RBM48: variants seen among roughly 807,000 people sequenced by gnomAD.
RBM48 encodes RNA-binding protein 48.
A neutral mutation model predicts 34.8 loss-of-function variants in RBM48; 32 were observed. That is an observed-to-expected ratio of 0.92 (90% CI 0.69 to 1.23). The LOEUF is 1.23. Ranked by LOEUF, RBM48 falls within the 50% of genes most tolerant of loss-of-function variation. RBM48 has a pLI of 0.00. For synonymous variants in RBM48, 151 were observed against 156.2 expected, an observed-to-expected ratio of 0.97 and a Z score of 0.25; for missense variants, 441 against 447.2, an observed-to-expected ratio of 0.99 and a Z score of 0.12.
chr7:92,529,670 A>G lies in RBM48; in HGVS notation c.302+4A>G, dbSNP rs1269297109. On this transcript the variant is annotated splice_donor_region_variant and intron_variant, in intron 2 of 4. Coordinates refer to ENST00000265732, the MANE Select transcript of RBM48 (RefSeq NM_032120.4). Reference sequence around the variant, plus strand: ...TTATGAACTTACAAAGTGCAAGGTAATGTGCAAGTTAAGAAATGACTCATT... The same window carrying G: ...TTATGAACTTACAAAGTGCAAGGTAGTGTGCAAGTTAAGAAATGACTCATT... 1 of 1,512,022 alleles carries G rather than the reference A, an allele frequency of 6.6e-7. No individual in the cohort carries two copies. The highest frequency in any genetic ancestry group is 2.3e-5 in the East Asian group (1 of 42,838). The allele number at this position is 1,512,022 out of a possible 1,614,324, so 93.7% of individuals were successfully genotyped here. A position where few individuals can be genotyped will look rare whatever the true frequency, so the allele number is the denominator to read the frequency against.
Position 92,536,914 on chromosome 7 carries a change from T to C in RBM48, c.1081T>C (p.Leu361=), listed in dbSNP as rs768294572. The C allele has an allele frequency of 4.4e-6, 7 of 1,608,852 alleles. No homozygotes were observed. Among genetic ancestry groups the C allele is most frequent in the East Asian group, 2.2e-5 (1 of 44,696 alleles). ...KPEDVHTSHP[L]KQRRRI ...AGAAGATGTACATACAAGTCATCCA[T>C]TAAAACAAAGAAGAAGAATATAGAG... The change falls in exon 5 of 5, where the codon TTA becomes CTA. Residue 361 remains leucine, a synonymous_variant. Coordinates refer to ENST00000265732, the MANE Select transcript of RBM48 (RefSeq NM_032120.4).
At chr7:92,536,697 A>G (rs1793720459) in intron 4 of RBM48, 154 bp from the exon 5 acceptor site, 3 of 1,292,168 alleles carry the variant, frequency 2.3e-6, no homozygotes, top group Non-Finnish European at 2.0e-6. Context: ...CTCTGTGCCT[A>G]GGTCATAGGC....
In RBM48 at chr7:92,528,904, C is replaced by T; in HGVS notation, c.91C>T (p.Arg31Ter). 15 of 1,613,760 alleles carry T rather than the reference C, an allele frequency of 9.3e-6. No individual in the cohort carries two copies. Among genetic ancestry groups the T allele is most frequent in the Non-Finnish European group, 1.3e-5 (15 of 1,179,744 alleles). ...CACACGGGCCAAATATCGAGAGGGA[C>T]GACGGCCTCGTGCTGTGAAGGTAAA... Reference protein sequence around the residue: ...CDTRAKYREGRRPRAVKVYTI... With the variant: ...CDTRAKYREG Residue 31 changes from arginine (R) to a stop codon, truncating the protein, a stop_gained, in exon 1 of 5, where the codon CGA (arginine) becomes TGA (stop). Transcript: ENST00000265732. LOFTEE classifies it high-confidence loss of function.
At chr7:92,533,627 A>C (rs537405975) in intron 3 of RBM48, among the ~76,000 whole-genome samples, 56 of 152,284 alleles carry the variant, frequency 3.7e-4, no homozygotes, top group Admixed American at 4.6e-4. Context: ...GCTCTCTTTC[A>C]TCTGCAGCAT....
intron 4 of RBM48, chr7:92,535,832 C>T (rs888898915): frequency 3.5e-5 from 34 of 981,804 alleles, no homozygotes; most frequent in Non-Finnish European, 4.0e-5. Context: ...GTTTTGAAGC[C>T]TTCTTTAGCT....
intron 1 of RBM48, 200 bp downstream of exon 1, chr7:92,529,124 G>A: frequency 1.6e-6 from 1 of 613,924 alleles, no homozygotes; most frequent in South Asian, 1.9e-5. Flanking sequence ...TCAACTCCAC[G>A]AGAATAGGCC....
In RBM48 at chr7:92,534,401, G is replaced by T; in HGVS notation, c.449-1G>T. On this transcript the variant is annotated splice_acceptor_variant, in intron 3 of 4. Transcript: ENST00000265732. LOFTEE classifies it high-confidence loss of function. The stretch of plus-strand genomic sequence containing the variant: ...CTCAACTTTTAAATTGTAATATAAA[G>T]ACCATTACGTGACAAAGAAGAAATT... 1.2e-6 allele frequency: 2 copies of T among 1,606,586 alleles called. No individual in the cohort carries two copies. The highest frequency in any genetic ancestry group is 2.2e-5 in the South Asian group (2 of 89,940).
Position 92,538,333 on chromosome 7 carries a change from T to TG in RBM48, c.*1402dup, listed in dbSNP as rs960035175. Among the ~76,000 whole-genome samples the TG allele has an allele frequency of 6.6e-6, 1 of 152,128 alleles. No individual in the cohort carries two copies. Among genetic ancestry groups the TG allele is most frequent in the African/African-American group, 2.4e-5 (1 of 41,424 alleles). On this transcript the variant is annotated 3_prime_UTR_variant, in exon 5 of 5. Transcript: ENST00000265732. Reference sequence around the variant, plus strand: ...TCTATAGGCAACACATGGTTAGAGTTGGGGGGTTAATCTTTAACCTCAGGC... The same window carrying TG: ...TCTATAGGCAACACATGGTTAGAGTTGGGGGGGTTAATCTTTAACCTCAGGC...
chr7:92,538,943 C>T lies in RBM48; in HGVS notation c.*2006C>T, dbSNP rs951031951. On this transcript the variant is annotated 3_prime_UTR_variant, in exon 5 of 5. Coordinates refer to ENST00000265732, the MANE Select transcript of RBM48 (RefSeq NM_032120.4). Reference sequence around the variant, plus strand: ...CGGAAGCCAGCACTCCTCATCCCCACCAACATAATTCATCATGAGGAGAGA... The same window carrying T: ...CGGAAGCCAGCACTCCTCATCCCCATCAACATAATTCATCATGAGGAGAGA... 3.9e-5 allele frequency among the ~76,000 whole-genome samples: 6 copies of T among 152,152 alleles called. No individual in the cohort carries two copies. The highest frequency in any genetic ancestry group is 7.3e-5 in the Non-Finnish European group (5 of 68,038).
At chr7:92,529,707 T>C in intron 2 of RBM48, 41 bp downstream of exon 2, 1 of 1,305,626 alleles carries the variant, frequency 7.7e-7, no homozygotes, top group Non-Finnish European at 1.1e-6. Flanking sequence ...CCTCATTTCT[T>C]CCATTCATAT....
intron 4 of RBM48, chr7:92,535,578 A>G: frequency 2.0e-6 from 2 of 985,414 alleles, no homozygotes; most frequent in Non-Finnish European, 2.4e-6. Context: ...TTAACATCTG[A>G]GTTAGCTTTT....
chr7:92,530,152 G>C (rs1793524926), intron 2 of RBM48, among the ~76,000 whole-genome samples: 1 of 145,858 alleles, frequency 6.9e-6, no homozygotes, highest in Admixed American at 7.0e-5. Flanking sequence ...ACTCCAGACA[G>C]GGCAACAAGA....
rs1007091179 is a variant in RBM48 at position 92,530,736 on chromosome 7, G to A, written c.302+1070G>A. Among the ~76,000 whole-genome samples, 10 of 151,764 alleles carry A rather than the reference G, an allele frequency of 6.6e-5. No homozygotes were observed. The Middle Eastern group carries it at 0.01, about 155-fold the overall frequency. On this transcript the variant is annotated intron_variant, in intron 2 of 4. Coordinates refer to ENST00000265732, the MANE Select transcript of RBM48 (RefSeq NM_032120.4). ...TATCACTTGAACCCAGAAAGTGGAG[G>A]TTGCAGTGAGCCAAGATCATGCCAT...
intron 2 of RBM48, among the ~76,000 whole-genome samples, chr7:92,532,018 T>G (rs1793587656): frequency 6.6e-6 from 1 of 152,228 alleles, no homozygotes; most frequent in Non-Finnish European, 1.5e-5. Flanking sequence ...ATCTGATTTT[T>G]AAGGCATGAA....
At chr7:92,532,576 T>TGACACACAGGAGG in intron 3 of RBM48, 27 bp downstream of exon 3, 1 of 1,556,180 alleles carries the variant, frequency 6.4e-7, no homozygotes, top group Non-Finnish European at 8.8e-7. Flanking sequence ...GCTAAATGCC[T>TGACACACAGGAGG]CCTGTGTGTC....
intron 3 of RBM48, chr7:92,534,163 T>G (rs1371428378): frequency 1.2e-5 from 6 of 516,302 alleles, no homozygotes; most frequent in Non-Finnish European, 2.0e-5. Flanking sequence ...TGATTACTTA[T>G]GGGGATGAAA....
Position 92,538,179 on chromosome 7 carries a change from C to T in RBM48, c.*1242C>T, listed in dbSNP as rs894344380. ...GGTTATAGAAAGAAGAGGCTTTATT[C>T]GGCCAGGAGCGTCGGCAGACTTGTG... On this transcript the variant is annotated 3_prime_UTR_variant, in exon 5 of 5. Transcript: ENST00000265732. 1.3e-5 allele frequency among the ~76,000 whole-genome samples: 2 copies of T among 152,196 alleles called. No homozygotes were observed. Among genetic ancestry groups the T allele is most frequent in the African/African-American group, 4.8e-5 (2 of 41,448 alleles).
rs1285927691 is a variant in RBM48, at chr7:92,539,374, TTAA to T, written c.*2441_*2443del. The stretch of plus-strand genomic sequence containing the variant: ...ATGAGTTGAGGTGGATAAGGATAGC[TTAA>T]TAACATGCAAGCTAATTTACAAAAT... On this transcript the variant is annotated 3_prime_UTR_variant, in exon 5 of 5. Transcript: ENST00000265732. Among the ~76,000 whole-genome samples the T allele has an allele frequency of 6.6e-6, 1 of 152,242 alleles. No homozygotes were observed. Among genetic ancestry groups the T allele is most frequent in the Non-Finnish European group, 1.5e-5 (1 of 68,054 alleles).
At position 92,532,589 on chromosome 7, in the gene RBM48, G is replaced by A. The variant is rs377601922; in HGVS notation, c.448+40G>A. 10 of 1,464,428 alleles carry A rather than the reference G, an allele frequency of 6.8e-6. No individual in the cohort carries two copies. In the African/African-American group the frequency reaches 1.1e-4, roughly 16 times the overall value. The allele number at this position is 1,464,428 out of a possible 1,614,324, so 90.7% of individuals were successfully genotyped here. The stretch of plus-strand genomic sequence containing the variant: ...TTGCTAAATGCCTCCTGTGTGTCAG[G>A]CACTCTGCCAGGTGTGTCATCATGC... On this transcript the variant is annotated intron_variant, in intron 3 of 4. Coordinates refer to ENST00000265732, the MANE Select transcript of RBM48 (RefSeq NM_032120.4).
Sources: allele counts gnomAD v4.1 joint callset (sites outside exome capture counted in the v4.1 genomes callset), GRCh38; gene constraint gnomAD v4.1.1; transcripts MANE v1.5; gene names NCBI Gene and HGNC (gene_info 2026-07-23, HGNC 2026-07-21).